The following UBA3 variants were observed in gnomAD, a reference collection of about 807,000 sequenced individuals.
UBA3 encodes the protein ubiquitin like modifier activating enzyme 3.
In UBA3, 26 loss-of-function variants were observed where a neutral mutation model predicts 73.5. The observed-to-expected ratio is 0.35, with a 90% CI of 0.26 to 0.49. The LOEUF (loss-of-function observed/expected upper bound fraction) is 0.49. Ranked by LOEUF, UBA3 falls within the 20% of genes least tolerant of loss-of-function variation. The pLI, the probability that UBA3 is intolerant of heterozygous loss-of-function variation, is 0.98. For synonymous variants in UBA3, 217 were observed against 191.2 expected, an observed-to-expected ratio of 1.13 and a Z score of -1.11; for missense variants, 495 against 555.6, an observed-to-expected ratio of 0.89 and a Z score of 1.10.
Position 69,075,493 on chromosome 3 carries a change from TA to T in UBA3, c.200del (p.Leu67Ter). The T allele has an allele frequency of 6.4e-7, 1 of 1,558,864 alleles. No homozygotes were observed. Among genetic ancestry groups the T allele is most frequent in the Non-Finnish European group, 8.6e-7 (1 of 1,156,238 alleles). On this transcript the variant is annotated frameshift_variant, in exon 4 of 18. Coordinates refer to ENST00000361055, the MANE Select transcript of UBA3 (RefSeq NM_003968.4). LOFTEE classifies it high-confidence loss of function. ...EPSTESLQFL[L>X]DTCKVLVIGA... ...CAATGACTAGAACTTTACATGTATCTAACAAGAACTGGAGAGACTGTAAAGA... is the reference window on the plus strand; with the variant it reads ...CAATGACTAGAACTTTACATGTATCTACAAGAACTGGAGAGACTGTAAAGA...
chr3:69,059,234 C>A (rs549123613), intron 11 of UBA3, among the ~76,000 whole-genome samples: 11 of 152,178 alleles, frequency 7.2e-5, no homozygotes, highest in African/African-American at 2.4e-4. Flanking sequence ...AGAGAATGGT[C>A]AGGGAAGGCC....
In UBA3 at chr3:69,069,007, G is replaced by C. The variant is rs1163022457; in HGVS notation, c.348-999C>G. ...ATAACCACACATATAGATAGGAAAG[G>C]ATATGAATTTCCTCCTCTAAGTTCT... On this transcript the variant is annotated intron_variant, in intron 5 of 17. Coordinates refer to ENST00000361055, the MANE Select transcript of UBA3 (RefSeq NM_003968.4). Among the ~76,000 whole-genome samples the C allele has an allele frequency of 4.6e-5, 7 of 152,264 alleles. No homozygotes were observed. The East Asian group carries it at 1.4e-3, about 29-fold the overall frequency.
chr3:69,058,517 T>C (rs2091995992), intron 11 of UBA3, among the ~76,000 whole-genome samples: 1 of 152,204 alleles, frequency 6.6e-6, no homozygotes, highest in South Asian at 2.1e-4. Flanking sequence ...ACTGTGACCA[T>C]ATGATTCTCT....
Position 69,056,231 on chromosome 3 carries a change from G to A in UBA3, c.1136C>T (p.Ser379Leu). The A allele has an allele frequency of 5.6e-6, 9 of 1,604,952 alleles. No homozygotes were observed. Among genetic ancestry groups the A allele is most frequent in the South Asian group, 1.1e-5 (1 of 88,310 alleles). The stretch of plus-strand genomic sequence containing the variant: ...ATCCAAAACCTCCTGTAGTTTAGCT[G>A]ATGGAGAAAACTGAATATTTTGAGG... ...QLPQNIQFSP[S>L]AKLQEVLDYL... Residue 379 changes from serine to leucine, a missense_variant, in exon 15 of 18, where the codon TCA becomes TTA. By Grantham distance (145) the Ser-to-Leu change is moderately radical. Coordinates refer to ENST00000361055, the MANE Select transcript of UBA3 (RefSeq NM_003968.4).
intron 12 of UBA3, 140 bp from the exon 13 acceptor site, chr3:69,056,955 T>A: frequency 1.1e-6 from 1 of 917,338 alleles, no homozygotes; most frequent in Admixed American, 2.8e-5. Context: ...ACTGAGACAG[T>A]AACAAATTTT....
At chr3:69,079,814 G>A (rs2092202143) in intron 2 of UBA3, 1 of 417,522 alleles carries the variant, frequency 2.4e-6, no homozygotes, top group Non-Finnish European at 4.2e-6. Context: ...ATTTGGGATG[G>A]AGGAAGAGGA....
At chr3:69,073,102 G>A (rs1201235504) in intron 4 of UBA3, among the ~76,000 whole-genome samples, 1 of 152,070 alleles carries the variant, frequency 6.6e-6, no homozygotes, top group Non-Finnish European at 1.5e-5. Flanking sequence ...CAATGCATCA[G>A]CCTCAGTAAC....
rs748063451 is a variant in UBA3, at chr3:69,063,507, CAAAA to C, written c.473-8_473-5del. 4.5e-5 allele frequency: 51 copies of C among 1,145,856 alleles called. No individual in the cohort carries two copies. The highest frequency in any genetic ancestry group is 3.9e-5 in the Non-Finnish European group (34 of 868,082). 71.0% of individuals were successfully genotyped at this position (1,145,856 alleles called of 1,614,324 possible). A position where few individuals can be genotyped will look rare whatever the true frequency, so the allele number is the denominator to read the frequency against. On this transcript the variant is annotated splice_region_variant and splice_polypyrimidine_tract_variant and intron_variant, in intron 7 of 17. Coordinates refer to ENST00000361055, the MANE Select transcript of UBA3 (RefSeq NM_003968.4). ...CCACATACAATAATATGAAATTCTA[CAAAA>C]AAAAAAAAAAGCAACTTTAGTTTTT...
chr3:69,080,022 C>A (rs2092205074), intron 2 of UBA3, 90 bp downstream of exon 2: 2 of 1,285,934 alleles, frequency 1.6e-6, no homozygotes, highest in Admixed American at 2.2e-5. Context: ...CCTCCCAGCC[C>A]CCCGGGCCCG....
At chr3:69,059,492 A>T (rs1029619482) in intron 11 of UBA3, among the ~76,000 whole-genome samples, 2 of 152,304 alleles carry the variant, frequency 1.3e-5, no homozygotes. Context: ...AGGTTGAATG[A>T]TTAGGAAAAC....
Position 69,054,785 on chromosome 3 carries a change from T to G in UBA3, c.*652A>C, listed in dbSNP as rs950639134. 6.6e-6 allele frequency: 1 copy of G among 152,200 alleles called. No homozygotes were observed. The highest frequency in any genetic ancestry group is 1.5e-5 in the Non-Finnish European group (1 of 68,024). 9.4% of individuals were successfully genotyped at this position (152,200 alleles called of 1,614,324 possible). On this transcript the variant is annotated 3_prime_UTR_variant, in exon 18 of 18. Coordinates refer to ENST00000361055, the MANE Select transcript of UBA3 (RefSeq NM_003968.4). ...TGCAAAAGCATCAGTGATAACTGTT[T>G]GAACATTAAATTTTTTAAACAGCCA... is the stretch of plus-strand genomic sequence containing the variant.
intron 4 of UBA3, among the ~76,000 whole-genome samples, chr3:69,072,500 C>T (rs1354113039): frequency 1.3e-5 from 2 of 152,334 alleles, no homozygotes; most frequent in East Asian, 1.9e-4. Context: ...ATCTATCTGA[C>T]CTTACCTTTC....
At position 69,055,857 on chromosome 3, in the gene UBA3, A is replaced by G. The variant is rs1488768530; in HGVS notation, c.1297T>C (p.Leu433=). 1.2e-6 allele frequency: 2 copies of G among 1,611,336 alleles called. No individual in the cohort carries two copies. Among genetic ancestry groups the G allele is most frequent in the South Asian group, 1.1e-5 (1 of 90,544 alleles). Residue 433 remains leucine (L), a synonymous_variant, in exon 17 of 18, where the codon TTG becomes CTG. Transcript: ENST00000361055. ...ERTRPNLSKT[L]KELGLVDGQE... Reference sequence around the variant, plus strand: ...ATACCCTTATGTAAAATACCTTTCAATGTTTTGGAGAGATTTGGCCTTGTT... The same window carrying G: ...ATACCCTTATGTAAAATACCTTTCAGTGTTTTGGAGAGATTTGGCCTTGTT...
At chr3:69,056,492 TATA>T in intron 14 of UBA3, 117 bp downstream of exon 14, 3 of 907,314 alleles carry the variant, frequency 3.3e-6, no homozygotes, top group South Asian at 1.8e-5. Flanking sequence ...GCAAAAGATA[TATA>T]ATAAGTAGAG....
At chr3:69,058,755 A>AT (rs2091997905) in intron 11 of UBA3, among the ~76,000 whole-genome samples, 1 of 152,208 alleles carries the variant, frequency 6.6e-6, no homozygotes, top group Admixed American at 6.5e-5. Flanking sequence ...GACCAAAAAA[A>AT]GCTAGAGTGG....
chr3:69,064,908 G>GAGAAAAAAGGGACAATACAT (rs1302857020), intron 6 of UBA3, among the ~76,000 whole-genome samples: 2 of 151,988 alleles, frequency 1.3e-5, no homozygotes, highest in Admixed American at 6.5e-5. Flanking sequence ...AAGCAATACA[G>GAGAAAAAAGGGACAATACAT]AGAAAAAAGG....
intron 9 of UBA3, among the ~76,000 whole-genome samples, 176 bp downstream of exon 9, chr3:69,062,806 G>A (rs1040508243): frequency 2.6e-5 from 4 of 151,968 alleles, no homozygotes; most frequent in Admixed American, 6.6e-5. Context: ...CAATGTACTC[G>A]GTTCATATCT....
chr3:69,079,156 T>C (rs1460373280), intron 2 of UBA3, among the ~76,000 whole-genome samples: 2 of 152,168 alleles, frequency 1.3e-5, no homozygotes, highest in Non-Finnish European at 2.9e-5. Context: ...TTAATAGACA[T>C]AAACCTCATC....
chr3:69,056,306 A>G (rs758949077), intron 14 of UBA3, 23 bp from the exon 15 acceptor site: 2 of 1,510,304 alleles, frequency 1.3e-6, no homozygotes, highest in African/African-American at 2.8e-5. Context: ...TACACAACAA[A>G]TTACAGCAGC....
Sources: allele counts gnomAD v4.1 joint callset (sites outside exome capture counted in the v4.1 genomes callset), GRCh38; gene constraint gnomAD v4.1.1; transcripts MANE v1.5; gene names NCBI Gene and HGNC (gene_info 2026-07-23, HGNC 2026-07-21).